The following NANS variants were observed in gnomAD, a reference collection of about 807,000 sequenced individuals.
NANS encodes N-acetylneuraminate-9-phosphate synthase.
In NANS, 29 loss-of-function variants were observed where a neutral mutation model predicts 33.3. The observed-to-expected ratio is 0.87, with a 90% CI of 0.65 to 1.19. The LOEUF (loss-of-function observed/expected upper bound fraction) is 1.19. NANS is among the 50% of genes most tolerant of loss of function. The probability of loss-of-function intolerance (pLI) is 0.00; values close to 1 mark genes in which losing one functional copy is unlikely to be tolerated. For missense variants in NANS, 394 were observed against 461.1 expected (o/e 0.85, Z 1.33); for synonymous variants, 163 against 177.2 (o/e 0.92, Z 0.64).
chr9:98,078,904 G>T (rs1267123439), intron 4 of NANS, among the ~76,000 whole-genome samples: 1 of 151,434 alleles, frequency 6.6e-6, no homozygotes, highest in Non-Finnish European at 1.5e-5. Context: ...TGGCTATTGT[G>T]AATGATGCTG....
Position 98,080,897 on chromosome 9 carries a change from G to C in NANS, c.685G>C (p.Ala229Pro), listed in dbSNP as rs1301054434. The change falls in exon 5 of 6, where the codon GCT becomes CCT. Residue 229 changes from alanine (A) to proline (P), a missense_variant. Physicochemically the swap from Ala to Pro is conservative, Grantham distance 27. Coordinates refer to ENST00000210444, the MANE Select transcript of NANS (RefSeq NM_018946.4). Reference protein sequence around the residue: ...TGIAISVAAVALGAKVLERHI... With the variant: ...TGIAISVAAVPLGAKVLERHI... ...CATAGCGATATCTGTGGCCGCAGTG[G>C]CTCTGGGGGCCAAGGTGTTGGAACG... is the stretch of plus-strand genomic sequence containing the variant. 1 of 1,614,192 alleles carries C rather than the reference G, an allele frequency of 6.2e-7. No homozygotes were observed. Among genetic ancestry groups the C allele is most frequent in the South Asian group, 1.1e-5 (1 of 91,082 alleles).
intron 2 of NANS, among the ~76,000 whole-genome samples, chr9:98,067,058 T>C (rs1314144681): frequency 1.3e-5 from 2 of 152,224 alleles, no homozygotes; most frequent in African/African-American, 4.8e-5. Context: ...CATTGTGTTT[T>C]CATTTATGTT....
chr9:98,067,433 T>A (rs1490320370), intron 2 of NANS, among the ~76,000 whole-genome samples: 2 of 152,194 alleles, frequency 1.3e-5, no homozygotes, highest in East Asian at 1.9e-4. Context: ...ATTCTAGCCA[T>A]CCTAGTGGAT....
chr9:98,067,783 G>A (rs1036560295), intron 2 of NANS, among the ~76,000 whole-genome samples: 1 of 151,460 alleles, frequency 6.6e-6, no homozygotes, highest in Admixed American at 6.6e-5. Flanking sequence ...GCAGAGTGGT[G>A]CAATATCGGC....
At chr9:98,078,560 G>T (rs987419183) in intron 4 of NANS, among the ~76,000 whole-genome samples, 2 of 152,096 alleles carry the variant, frequency 1.3e-5, no homozygotes, top group Non-Finnish European at 2.9e-5. Flanking sequence ...TCTTGGCCAG[G>T]CGCGGTGGGT....
At chr9:98,067,759 G>A (rs990946450) in intron 2 of NANS, among the ~76,000 whole-genome samples, 7 of 150,886 alleles carry the variant, frequency 4.6e-5, no homozygotes, top group Non-Finnish European at 5.9e-5. Flanking sequence ...TTGCTCTGTC[G>A]CCCAGGCTGG....
chr9:98,060,729 T>C, intron 1 of NANS, 53 bp from the exon 2 acceptor site: 1 of 1,571,468 alleles, frequency 6.4e-7, no homozygotes, highest in Non-Finnish European at 8.7e-7. Flanking sequence ...AATTTTTTCC[T>C]TTTTTTGAGA....
At chr9:98,080,091 A>G (rs1829785653) in intron 4 of NANS, among the ~76,000 whole-genome samples, 1 of 152,134 alleles carries the variant, frequency 6.6e-6, no homozygotes, top group Non-Finnish European at 1.5e-5. Flanking sequence ...GCGGGCACCC[A>G]TAGTCCCAGC....
intron 2 of NANS, among the ~76,000 whole-genome samples, chr9:98,065,239 C>A (rs893354739): frequency 6.7e-6 from 1 of 150,130 alleles, no homozygotes; most frequent in Non-Finnish European, 1.5e-5. Flanking sequence ...TGTTTTTCAA[C>A]AGAGAATTAC....
intron 2 of NANS, among the ~76,000 whole-genome samples, chr9:98,070,435 TTTTA>T (rs569984727): frequency 3.9e-5 from 6 of 152,054 alleles, no homozygotes; most frequent in Admixed American, 3.3e-4. Context: ...TAAATTTTTA[TTTTA>T]TTTATTTATT....
In NANS at chr9:98,067,042, A is replaced by G. The variant is rs184251328; in HGVS notation, c.348+6045A>G. ...TGGTCCTTCGAGCCTGACTTCTTTC[A>G]TATAACATTGTGTTTTCATTTATGT... On this transcript the variant is annotated intron_variant, in intron 2 of 5. Transcript: ENST00000210444. 2.9e-4 allele frequency among the ~76,000 whole-genome samples: 44 copies of G among 152,304 alleles called. 1 individual carries two copies. Among genetic ancestry groups the G allele is most frequent in the Admixed American group, 1.6e-3 (25 of 15,294 alleles).
chr9:98,061,481 TAAA>T (rs1284256979), intron 2 of NANS, among the ~76,000 whole-genome samples: 2 of 74,654 alleles, frequency 2.7e-5, no homozygotes, highest in Non-Finnish European at 2.7e-5. Flanking sequence ...CATCTCAAAT[TAAA>T]AAAAAAAAAA....
chr9:98,081,172 C>A, intron 5 of NANS, 90 bp downstream of exon 5: 3 of 1,521,974 alleles, frequency 2.0e-6, no homozygotes, highest in Non-Finnish European at 2.7e-6. Flanking sequence ...CCAGCCCTCC[C>A]TGAGCCAGGC....
Position 98,060,746 on chromosome 9 carries a change from GAC to G in NANS, c.133-34_133-33del, listed in dbSNP as rs763204226. Reference sequence around the variant, plus strand: ...TTTTTTCCTTTTTTTGAGAATCTACGACAGTCACTGAAAGATGTCCTAATGTG... The same window carrying G: ...TTTTTTCCTTTTTTTGAGAATCTACGAGTCACTGAAAGATGTCCTAATGTG... On this transcript the variant is annotated intron_variant, in intron 1 of 5. Transcript: ENST00000210444. The G allele has an allele frequency of 3.7e-6, 6 of 1,601,330 alleles. 1 individual carries two copies. The Middle Eastern group carries it at 5.0e-4, about 132-fold the overall frequency.
At chr9:98,057,922 G>GTTTTTTTTTTTTTTTTTTTTTTT (rs35104052) in intron 1 of NANS, among the ~76,000 whole-genome samples, 1 of 78,086 alleles carries the variant, frequency 1.3e-5, no homozygotes, top group African/African-American at 5.4e-5. Flanking sequence ...TTTTTTCCTG[G>GTTTTTTTTTTTTTTTTTTTTTTT]TTTTTTTTTT....
At chr9:98,059,562 A>T (rs1422141279) in intron 1 of NANS, among the ~76,000 whole-genome samples, 1 of 152,064 alleles carries the variant, frequency 6.6e-6, no homozygotes, top group African/African-American at 2.4e-5. Context: ...CTACAAGCGT[A>T]TGCCACCATG....
chr9:98,072,239 C>G (rs1044930213), intron 2 of NANS, among the ~76,000 whole-genome samples: 2 of 152,130 alleles, frequency 1.3e-5, no homozygotes, highest in Non-Finnish European at 2.9e-5. Context: ...CGTGGGGTGC[C>G]AGCACAGGGC....
At position 98,056,907 on chromosome 9, in the gene NANS, G is replaced by C. The variant is rs964581926; in HGVS notation, c.99G>C (p.Leu33=). The change falls in exon 1 of 6, where the codon CTG becomes CTC. Residue 33 remains leucine (L), a synonymous_variant. Transcript: ENST00000210444. ...AEIGQNHQGD[L]DVAKRMIRMA... ...TCGGCCAGAACCACCAGGGCGACCT[G>C]GACGTAGCCAAGCGCATGATCCGCA... The C allele has an allele frequency of 1.9e-6, 3 of 1,610,354 alleles. No homozygotes were observed. The highest frequency in any genetic ancestry group is 2.5e-6 in the Non-Finnish European group (3 of 1,178,548).
chr9:98,066,841 G>A (rs1587909942), intron 2 of NANS, among the ~76,000 whole-genome samples: 1 of 152,050 alleles, frequency 6.6e-6, no homozygotes, highest in Admixed American at 6.6e-5. Context: ...AGTGGAGACA[G>A]GGTTTCACCA....
Sources: gnomAD v4.1 joint callset for allele counts (sites outside exome capture counted in the v4.1 genomes callset) on GRCh38, gnomAD v4.1.1 for gene constraint, MANE v1.5 for transcripts, NCBI Gene and HGNC (gene_info 2026-07-23, HGNC 2026-07-21) for gene names.